Variants in EIF3I observed in about 807,000 individuals in gnomAD.
The protein encoded by EIF3I is eukaryotic translation initiation factor 3 subunit I, also known as TGF-beta receptor-interacting protein 1.
Under a neutral mutation model 43.3 loss-of-function variants are expected in EIF3I, and 20 were observed. The observed-to-expected ratio is 0.46, with a 90% CI of 0.32 to 0.67. The LOEUF is 0.67. EIF3I is among the 30% of genes least tolerant of loss of function. The probability of loss-of-function intolerance (pLI) is 0.03; values close to 1 mark genes in which losing one functional copy is unlikely to be tolerated. For missense variants in EIF3I, 279 were observed against 421.4 expected, an observed-to-expected ratio of 0.66 and a Z score of 2.96; for synonymous variants, 167 against 151.7, an observed-to-expected ratio of 1.10 and a Z score of -0.74.
intron 2 of EIF3I, among the ~76,000 whole-genome samples, chr1:32,223,763 T>C (rs1486912312): frequency 6.6e-6 from 1 of 152,196 alleles, no homozygotes; most frequent in Non-Finnish European, 1.5e-5. Context: ...AACTTGGCCT[T>C]TTATTCTTTG....
chr1:32,233,818 G>A (rs1014201624), downstream of EIF3I, among the ~76,000 whole-genome samples: 1 of 152,184 alleles, frequency 6.6e-6, no homozygotes, highest in African/African-American at 2.4e-5. Context: ...TTGTTTTCAA[G>A]GTAGGGGTTC....
chr1:32,222,930 T>A (rs1029220072), intron 2 of EIF3I, among the ~76,000 whole-genome samples: 5 of 152,260 alleles, frequency 3.3e-5, no homozygotes, highest in Admixed American at 6.5e-5. Flanking sequence ...GACCCATCTC[T>A]ACACACAAAA....
downstream of EIF3I, chr1:32,235,306 G>C (rs1460194211): frequency 6.6e-6 from 1 of 152,238 alleles, no homozygotes; most frequent in African/African-American, 2.4e-5. Flanking sequence ...TAATCTTTGA[G>C]ACAGCGTCTC....
intron 4 of EIF3I, among the ~76,000 whole-genome samples, chr1:32,224,725 C>T (rs954138237): frequency 4.1e-4 from 61 of 149,968 alleles, no homozygotes; most frequent in African/African-American, 1.1e-3. Flanking sequence ...GGCTGGAGAG[C>T]AATGGCACTA....
chr1:32,222,466 A>T (rs778498204), intron 1 of EIF3I, 22 bp downstream of exon 1: 25 of 1,609,712 alleles, frequency 1.6e-5, no homozygotes, highest in Non-Finnish European at 1.9e-5. Context: ...AGTTAGGGGT[A>T]TTGCAGTGGG....
chr1:32,224,053 C>T, exon 3 of EIF3I: 1 of 1,614,084 alleles, frequency 6.2e-7, no homozygotes, highest in Non-Finnish European at 8.5e-7. Context: ...GTATGGTACT[C>T]TGTGAATGGT....
intron 9 of EIF3I, among the ~76,000 whole-genome samples, chr1:32,229,614 G>C (rs188444306): frequency 1.3e-3 from 184 of 141,276 alleles, no homozygotes; most frequent in African/African-American, 4.7e-3. Context: ...GCAATGGCGC[G>C]ATCTCTGCTC....
downstream of EIF3I, among the ~76,000 whole-genome samples, chr1:32,235,485 C>A (rs922738925): frequency 1.3e-5 from 2 of 152,164 alleles, no homozygotes; most frequent in Non-Finnish European, 2.9e-5. Flanking sequence ...CGACCGCCAC[C>A]ACACCCAGCT....
At chr1:32,228,881 C>A in intron 8 of EIF3I, 65 bp downstream of exon 8, 1 of 1,377,538 alleles carries the variant, frequency 7.3e-7, no homozygotes, top group Non-Finnish European at 1.0e-6. Flanking sequence ...AGATGCTTGT[C>A]CAGAAGTTGG....
At chr1:32,222,670 C>T (rs1639038189) in intron 2 of EIF3I, 40 bp downstream of exon 2, 5 of 1,593,882 alleles carry the variant, frequency 3.1e-6, no homozygotes, top group Non-Finnish European at 4.3e-6. Flanking sequence ...GGGCGGGATC[C>T]TTCTGCCAGG....
intron 1 of EIF3I, 33 bp downstream of exon 1, chr1:32,222,477 G>A: frequency 3.1e-6 from 5 of 1,610,970 alleles, no homozygotes; most frequent in Non-Finnish European, 4.2e-6. Flanking sequence ...TTGCAGTGGG[G>A]GTCCTGGGCT....
intron 2 of EIF3I, among the ~76,000 whole-genome samples, chr1:32,223,040 T>C (rs1639056124): frequency 6.6e-6 from 1 of 152,158 alleles, no homozygotes; most frequent in Non-Finnish European, 1.5e-5. Context: ...ATCGTGCCAC[T>C]GCACTCCAAG....
At position 32,228,573 on chromosome 1, in the gene EIF3I, C is replaced by T. The variant is rs146935410; in HGVS notation, c.603C>T (p.Thr201=). The change falls in exon 7 of 12, where the codon ACC becomes ACT. Residue 201 remains threonine (T), a synonymous_variant. Transcript: ENST00000676679. ...ACATCCAGTTATCCAGGGACATGAC[C>T]ATGTTTGTGACCGCGTCCAAGGACA... The T allele has an allele frequency of 2.5e-6, 4 of 1,614,048 alleles. No individual in the cohort carries two copies. In the African/African-American group the frequency reaches 5.3e-5, roughly 22 times the overall value.
At chr1:32,228,645 T>C in intron 7 of EIF3I, 36 bp downstream of exon 7, 1 of 1,605,620 alleles carries the variant, frequency 6.2e-7, no homozygotes, top group South Asian at 1.1e-5. Context: ...GGCTGCTCCC[T>C]CCCTCCGGCT....
exon 9 of EIF3I, chr1:32,229,196 A>G (rs1283435227): frequency 1.2e-6 from 2 of 1,614,014 alleles, no homozygotes; most frequent in Admixed American, 1.7e-5. Flanking sequence ...AGGATTGGCA[A>G]GTTTGAGGCC....
intron 4 of EIF3I, 21 bp from the exon 5 acceptor site, chr1:32,226,150 C>T: frequency 6.2e-7 from 1 of 1,612,952 alleles, no homozygotes; most frequent in South Asian, 1.1e-5. Flanking sequence ...ATGGTGTAGC[C>T]CAGACTTTGC....
At chr1:32,228,437 T>C in intron 6 of EIF3I, 62 bp from the exon 7 acceptor site, 1 of 1,422,734 alleles carries the variant, frequency 7.0e-7, no homozygotes, top group South Asian at 1.2e-5. Flanking sequence ...TGCTTGGGTT[T>C]CTGGGGAGCT....
chr1:32,228,887 GT>G, intron 8 of EIF3I, 71 bp downstream of exon 8: 1 of 1,336,502 alleles, frequency 7.5e-7, no homozygotes, highest in Non-Finnish European at 1.1e-6. Context: ...TTGTCCAGAA[GT>G]TGGGCTACAA....
At chr1:32,233,746 G>A (rs1426410235), downstream of EIF3I, among the ~76,000 whole-genome samples, 19 of 152,130 alleles carry the variant, frequency 1.2e-4, no homozygotes, top group Non-Finnish European at 2.9e-5. Context: ...TGAAACAATC[G>A]ACCTTGCAAA....
Sources: allele counts gnomAD v4.1 joint callset (sites outside exome capture counted in the v4.1 genomes callset), GRCh38; gene constraint gnomAD v4.1.1; transcripts MANE v1.5; gene names NCBI Gene and HGNC (gene_info 2026-07-23, HGNC 2026-07-21).